TPM4: variants seen among roughly 807,000 people sequenced by gnomAD.
TPM4 encodes the protein tropomyosin alpha-4 chain.
In TPM4, 17 loss-of-function variants were observed where a neutral mutation model predicts 35.8. The observed-to-expected ratio is 0.47, with a 90% CI of 0.32 to 0.71. The LOEUF is 0.71. Among genes scored for constraint, TPM4 ranks in the 30% least tolerant of loss-of-function variants. TPM4 has a pLI of 0.03. For synonymous variants in TPM4, 120 were observed against 122.9 expected (o/e 0.98, Z 0.15); for missense variants, 240 against 320.9 (o/e 0.75, Z 1.93).
chr19:16,099,405 G>A (rs371742472), intron 7 of TPM4, among the ~76,000 whole-genome samples: 8 of 145,670 alleles, frequency 5.5e-5, no homozygotes, highest in African/African-American at 1.5e-4. Flanking sequence ...GCAACATGGC[G>A]AAACCCCATC....
Position 16,088,011 on chromosome 19 carries a change from C to G in TPM4, c.385-16C>G. 6.2e-7 allele frequency: 1 copy of G among 1,606,344 alleles called. No individual in the cohort carries two copies. Among genetic ancestry groups the G allele is most frequent in the East Asian group, 2.2e-5 (1 of 44,580 alleles). On this transcript the variant is annotated splice_polypyrimidine_tract_variant and intron_variant, in intron 3 of 7. Transcript: ENST00000643579. ...TGGTGGGGATCGGGCTCAGCTGGGC[C>G]TTTCTGTCTCTGCAGGTAGCTCGTA...
At chr19:16,075,891 TG>T (rs2090398086), upstream of TPM4, 2 of 1,018,054 alleles carry the variant, frequency 2.0e-6, no homozygotes, top group African/African-American at 1.6e-5. Context: ...ATGGATGGCG[TG>T]GTGCATGCTA....
chr19:16,090,066 A>T (rs182681422), intron 5 of TPM4, among the ~76,000 whole-genome samples: 2 of 151,988 alleles, frequency 1.3e-5, no homozygotes, highest in Admixed American at 1.3e-4. Flanking sequence ...CCTGATCTCA[A>T]GTGATCTGCC....
rs2144970414 is a variant in TPM4, at chr19:16,101,973, C to T, written c.*627C>T. 1 of 220,008 alleles carries T rather than the reference C, an allele frequency of 4.5e-6. No individual in the cohort carries two copies. Among genetic ancestry groups the T allele is most frequent in the East Asian group, 6.7e-5 (1 of 14,902 alleles). The allele number at this position is 220,008 out of a possible 1,614,324, so 13.6% of individuals were successfully genotyped here. ...CAACGTAGAATGCTTGGGAAATAGT[C>T]ATAATTACCCACATATAGTAATTAA... On this transcript the variant is annotated 3_prime_UTR_variant, in exon 8 of 8. Coordinates refer to ENST00000643579, the MANE Select transcript of TPM4 (RefSeq NM_003290.3).
At chr19:16,086,599 GAT>G in intron 3 of TPM4, 59 bp downstream of exon 3, 1 of 1,451,404 alleles carries the variant, frequency 6.9e-7, no homozygotes, top group Non-Finnish European at 9.5e-7. Context: ...CATCTGCTGA[GAT>G]AGGGAGGACA....
intron 7 of TPM4, chr19:16,095,605 C>T: frequency 9.9e-7 from 1 of 1,008,762 alleles, no homozygotes; most frequent in Non-Finnish European, 1.2e-6. Context: ...GGTGGTTAGC[C>T]TCTCTCACTC....
intron 7 of TPM4, chr19:16,100,755 G>A (rs1236593389): frequency 1.3e-5 from 2 of 153,204 alleles, no homozygotes; most frequent in African/African-American, 4.8e-5. Flanking sequence ...GGAGGTCAAG[G>A]CTACGGTGAT....
At chr19:16,082,381 G>A (rs1021539633) in intron 2 of TPM4, among the ~76,000 whole-genome samples, 6 of 152,124 alleles carry the variant, frequency 3.9e-5, no homozygotes, top group African/African-American at 1.4e-4. Context: ...CATGGTGGCG[G>A]GCACCTGTAA....
At position 16,070,228 on chromosome 19, in the gene TPM4, C is replaced by T. The variant is rs563575509; in HGVS notation, c.114+2490C>T. Among the ~76,000 whole-genome samples the T allele has an allele frequency of 6.6e-6, 1 of 152,298 alleles. No individual in the cohort carries two copies. Among genetic ancestry groups the T allele is most frequent in the African/African-American group, 2.4e-5 (1 of 41,548 alleles). ...GCCAAGAGCCCACACAGACCCAGAA[C>T]TTTGGAGACAAGAGTCCTGGGAACC... On this transcript the variant is annotated intron_variant, in intron 2 of 2. Transcript: ENST00000589897. This position sits in a 1 kb window ranked among gnomAD's most constrained non-coding sequence, Gnocchi z 7.4.
intron 3 of TPM4, among the ~76,000 whole-genome samples, chr19:16,087,269 A>G (rs964404084): frequency 1.3e-5 from 2 of 152,012 alleles, no homozygotes; most frequent in East Asian, 3.9e-4. Context: ...GAGACAGAGC[A>G]AGACCCTCTG....
Position 16,094,624 on chromosome 19 carries a change from A to G in TPM4, c.664+871A>G, listed in dbSNP as rs1294382661. On this transcript the variant is annotated intron_variant, in intron 7 of 7. Transcript: ENST00000643579. ...TTTTTTACATGCCTTGCATTTTTGC[A>G]GAAGCTCTGTCCCAGGGAGCTCAAA... Among the ~76,000 whole-genome samples, 4 of 151,566 alleles carry G rather than the reference A, an allele frequency of 2.6e-5. No homozygotes were observed. In the East Asian group the frequency reaches 7.7e-4, roughly 29 times the overall value.
At chr19:16,094,479 T>G (rs2090669641) in intron 7 of TPM4, among the ~76,000 whole-genome samples, 1 of 150,660 alleles carries the variant, frequency 6.6e-6, no homozygotes, top group Non-Finnish European at 1.5e-5. Context: ...GAGGTTGCAG[T>G]AAGCCAAGAT....
intron 2 of TPM4, among the ~76,000 whole-genome samples, chr19:16,069,768 G>A (rs1459262262): frequency 2.6e-5 from 4 of 151,794 alleles, no homozygotes; most frequent in Admixed American, 6.6e-5. Context: ...GTGTGGATGA[G>A]TGTGTGTTTC....
At chr19:16,081,766 G>T in intron 1 of TPM4, 147 bp from the exon 2 acceptor site, 2 of 1,039,012 alleles carry the variant, frequency 1.9e-6, no homozygotes, top group Non-Finnish European at 2.6e-6. Flanking sequence ...CTGAAATTTT[G>T]GTATGAGTGT....
At chr19:16,077,792 C>T (rs2090430299) in intron 1 of TPM4, among the ~76,000 whole-genome samples, 1 of 152,142 alleles carries the variant, frequency 6.6e-6, no homozygotes, top group African/African-American at 2.4e-5. Flanking sequence ...GAGGCAGTCT[C>T]ACTCTGTCGC....
intron 7 of TPM4, chr19:16,095,425 G>T: frequency 9.7e-7 from 1 of 1,030,086 alleles, no homozygotes; most frequent in Non-Finnish European, 1.2e-6. Context: ...AGCTCCGGTG[G>T]CCTGCCTTCT....
Position 16,093,609 on chromosome 19 carries a change from TG to T in TPM4, c.594+13del. ...GACAAACTGAAAGAGGTGAGTGTGG[TG>T]GCACCCAGCGAGCTCTGGTTTCTCC... On this transcript the variant is annotated intron_variant, in intron 6 of 7. Coordinates refer to ENST00000643579, the MANE Select transcript of TPM4 (RefSeq NM_003290.3). The T allele has an allele frequency of 6.2e-7, 1 of 1,614,194 alleles. No individual in the cohort carries two copies. The highest frequency in any genetic ancestry group is 8.5e-7 in the Non-Finnish European group (1 of 1,180,032).
chr19:16,090,146 G>A (rs1274672780), intron 5 of TPM4, among the ~76,000 whole-genome samples: 1 of 150,940 alleles, frequency 6.6e-6, no homozygotes, highest in East Asian at 2.0e-4. Flanking sequence ...ATGAGATCTT[G>A]CTCTGTTGCT....
Position 16,089,083 on chromosome 19 carries a change from C to T in TPM4, c.494C>T (p.Thr165Ile), listed in dbSNP as rs775371454. 5.6e-6 allele frequency: 9 copies of T among 1,614,098 alleles called. No individual in the cohort carries two copies. The highest frequency in any genetic ancestry group is 7.6e-6 in the Non-Finnish European group (9 of 1,180,002). The change falls in exon 5 of 8, where the codon ACT (threonine) becomes ATT (isoleucine). Residue 165 changes from threonine to isoleucine, a missense_variant. By Grantham distance (89) the Thr-to-Ile change is moderately conservative (BLOSUM62 -1). Coordinates refer to ENST00000643579, the MANE Select transcript of TPM4 (RefSeq NM_003290.3). ...GDLEEELKNV[T>I]NNLKSLEAAS... is the part of the protein sequence containing the mutation. ...CTGGAAGAAGAACTCAAGAATGTTA[C>T]TAACAATCTGAAATCTCTGGAGGCT...
Sources: allele counts gnomAD v4.1 joint callset (sites outside exome capture counted in the v4.1 genomes callset), GRCh38; gene constraint gnomAD v4.1.1; non-coding constraint Gnocchi (gnomAD v3.1); transcripts MANE v1.5; gene names NCBI Gene and HGNC (gene_info 2026-07-23, HGNC 2026-07-21).